Variants in DMD observed in about 807,000 individuals in gnomAD.
The protein encoded by DMD is mutant dystrophin.
A neutral mutation model predicts 330.1 loss-of-function variants in DMD; 63 were observed. That is an observed-to-expected ratio of 0.19 (90% CI 0.16 to 0.24). DMD has a LOEUF of 0.24. Ranked by LOEUF, DMD falls within the 10% of genes least tolerant of loss-of-function variation. The pLI is 1.00. For synonymous variants in DMD, 1,223 were observed against 959.8 expected (o/e 1.27, Z -5.07); for missense variants, 3,344 against 2,684.1 (o/e 1.25, Z -5.43).
chrX:32,605,811 C>A (rs756089127), intron 12 of DMD, among the ~76,000 whole-genome samples: 2 of 110,365 alleles, frequency 1.8e-5, no homozygotes, highest in Non-Finnish European at 3.8e-5. Flanking sequence ...CATCACTAAT[C>A]ATCAGAGAAA....
At chrX:33,067,633 G>T (rs2094685027) in intron 1 of DMD, among the ~76,000 whole-genome samples, 1 of 111,569 alleles carries the variant, frequency 9.0e-6, no homozygotes, top group African/African-American at 3.3e-5. Context: ...CTGAGATCAG[G>T]AGTTCCAGAC....
chrX:31,926,687 A>T (rs975247573), intron 47 of DMD, among the ~76,000 whole-genome samples: 12 of 98,058 alleles, frequency 1.2e-4, no homozygotes, highest in African/African-American at 3.6e-4. Context: ...AAAAATAAAT[A>T]AAAAAAAAAA....
intron 1 of DMD, among the ~76,000 whole-genome samples, chrX:33,207,570 G>A (rs907135767): frequency 1.0e-4 from 11 of 110,508 alleles, no homozygotes; most frequent in African/African-American, 3.6e-4. Context: ...AGGATTTTAG[G>A]GACAATTCTA....
At chrX:31,608,428 T>C (rs1421182461) in intron 55 of DMD, among the ~76,000 whole-genome samples, 1 of 111,654 alleles carries the variant, frequency 9.0e-6, no homozygotes, top group Non-Finnish European at 1.9e-5. Flanking sequence ...CAAGGGAACA[T>C]CTACTTTTTG....
At chrX:31,458,453 C>T (rs1443506775) in intron 59 of DMD, among the ~76,000 whole-genome samples, 3 of 102,444 alleles carry the variant, frequency 2.9e-5, no homozygotes, top group African/African-American at 1.1e-4. Context: ...GAATAAATTA[C>T]TACTTACACA....
At chrX:32,635,978 A>C (rs2059068167) in intron 11 of DMD, among the ~76,000 whole-genome samples, 1 of 111,895 alleles carries the variant, frequency 8.9e-6, no homozygotes, top group Non-Finnish European at 1.9e-5. Flanking sequence ...TGCCTCAGTA[A>C]CTAGATCTGC....
chrX:32,405,226 C>T (rs1050911061), intron 30 of DMD, among the ~76,000 whole-genome samples: 8 of 111,582 alleles, frequency 7.2e-5, no homozygotes, highest in African/African-American at 2.6e-4. Context: ...GATTTGATTG[C>T]TCCGGGGCTC....
chrX:31,347,884 A>T (rs765041545), intron 61 of DMD, among the ~76,000 whole-genome samples: 16 of 112,172 alleles, frequency 1.4e-4, no homozygotes, highest in African/African-American at 5.2e-4. Flanking sequence ...AGAATCTGTT[A>T]TTTTTTGTCT....
At chrX:32,951,716 C>A (rs2091257954) in intron 2 of DMD, among the ~76,000 whole-genome samples, 1 of 111,441 alleles carries the variant, frequency 9.0e-6, no homozygotes, top group African/African-American at 3.3e-5. Flanking sequence ...GACTAATTTG[C>A]AATGATCTGA....
chrX:31,876,644 A>G (rs1228759647), intron 47 of DMD, among the ~76,000 whole-genome samples: 1 of 108,865 alleles, frequency 9.2e-6, no homozygotes, highest in Non-Finnish European at 1.9e-5. Flanking sequence ...TGAGCCCAGG[A>G]GTTCGAGGCC....
intron 44 of DMD, among the ~76,000 whole-genome samples, chrX:32,203,281 TTTC>T (rs2097049234): frequency 2.7e-5 from 3 of 112,742 alleles, no homozygotes; most frequent in Admixed American, 1.9e-4. Flanking sequence ...CTAGACTGGC[TTTC>T]TTGAGTGCTG....
chrX:32,729,446 G>A (rs907663403), intron 7 of DMD, among the ~76,000 whole-genome samples: 3 of 111,725 alleles, frequency 2.7e-5, no homozygotes, highest in Admixed American at 9.5e-5. Context: ...TATTTTGGCT[G>A]ATTTTTCTAT....
intron 47 of DMD, among the ~76,000 whole-genome samples, chrX:31,908,116 G>A (rs2094499970): frequency 8.9e-6 from 1 of 112,226 alleles, no homozygotes; most frequent in Non-Finnish European, 1.9e-5. Context: ...CACCGTTGGT[G>A]GGACTGTAAA....
chrX:32,380,502 G>C lies in DMD; in HGVS notation c.4845+8C>G. On this transcript the variant is annotated splice_region_variant and intron_variant, in intron 34 of 78. Transcript: ENST00000357033. ...GTTCAAAATAACCTTCAGTGATATA[G>C]GTTTTACCTTTCCCCAGGCAACTTC... The C allele has an allele frequency of 8.3e-7, 1 of 1,207,663 alleles. No homozygotes were observed. Among genetic ancestry groups the C allele is most frequent in the East Asian group, 3.0e-5 (1 of 33,765 alleles).
At chrX:32,974,448 G>A (rs2092480025) in intron 2 of DMD, among the ~76,000 whole-genome samples, 1 of 111,441 alleles carries the variant, frequency 9.0e-6, no homozygotes, top group African/African-American at 3.3e-5. Context: ...TACAGTATGT[G>A]AATAATATCT....
At chrX:32,602,721 A>C (rs752112753) in intron 12 of DMD, among the ~76,000 whole-genome samples, 122 of 111,104 alleles carry the variant, frequency 1.1e-3, no homozygotes, top group African/African-American at 3.4e-3. Flanking sequence ...ATGTTTGAAG[A>C]CTCATATGCA....
rs1013640095 is a variant in DMD, at chrX:31,405,043, G to A, written c.9084+39438C>T. On this transcript the variant is annotated intron_variant, in intron 60 of 78. Transcript: ENST00000357033. ...GAAATGCATGCTGCTGAAGACTCTC[G>A]GCACTATTCCTGGAAGAATAACCAC... 4.5e-5 allele frequency among the ~76,000 whole-genome samples: 5 copies of A among 111,565 alleles called. No individual in the cohort carries two copies. The South Asian group carries it at 1.1e-3, about 25-fold the overall frequency.
At chrX:32,402,454 A>G (rs1943396404) in intron 30 of DMD, among the ~76,000 whole-genome samples, 1 of 111,053 alleles carries the variant, frequency 9.0e-6, no homozygotes, top group Non-Finnish European at 1.9e-5. Context: ...ATTTTTTATT[A>G]ACCCCTAAAC....
intron 41 of DMD, among the ~76,000 whole-genome samples, chrX:32,320,635 A>T (rs1460380972): frequency 6.3e-5 from 7 of 111,529 alleles, no homozygotes; most frequent in Non-Finnish European, 1.3e-4. Flanking sequence ...TTTTTATTCT[A>T]CTCAGTCTCT....
Sources: gnomAD v4.1 joint callset for allele counts (sites outside exome capture counted in the v4.1 genomes callset) on GRCh38, gnomAD v4.1.1 for gene constraint, MANE v1.5 for transcripts, NCBI Gene and HGNC (gene_info 2026-07-23, HGNC 2026-07-21) for gene names.